The following RIC8B variants were observed in gnomAD, a reference collection of about 807,000 sequenced individuals.
The protein encoded by RIC8B is RIC8 guanine nucleotide exchange factor B.
A neutral mutation model predicts 57.5 loss-of-function variants in RIC8B; 16 were observed. The observed-to-expected ratio is 0.28, with a 90% confidence interval of 0.19 to 0.42. The LOEUF (loss-of-function observed/expected upper bound fraction) is 0.42, where lower values mean the gene tolerates loss of function less well. Ranked by LOEUF, RIC8B falls within the 10% of genes least tolerant of loss-of-function variation. The pLI, the probability that RIC8B is intolerant of heterozygous loss-of-function variation, is 1.00. For synonymous variants in RIC8B, 216 were observed against 250.8 expected (o/e 0.86, Z 1.31); for missense variants, 481 against 677.0 (o/e 0.71, Z 3.21).
At chr12:106,816,071 T>A (rs1190544937) in intron 3 of RIC8B, among the ~76,000 whole-genome samples, 1 of 152,198 alleles carries the variant, frequency 6.6e-6, no homozygotes, top group Non-Finnish European at 1.5e-5. Flanking sequence ...TTAAGTGAAG[T>A]AGACATAAGC....
chr12:106,827,614 T>C (rs201998506), intron 4 of RIC8B, among the ~76,000 whole-genome samples: 1 of 152,238 alleles, frequency 6.6e-6, no homozygotes, highest in East Asian at 1.9e-4. Context: ...AGACTGTTTT[T>C]CTTGATTAAA....
intron 9 of RIC8B, chr12:106,872,940 G>A (rs1254212416): frequency 5.5e-6 from 4 of 731,970 alleles, no homozygotes; most frequent in Non-Finnish European, 5.0e-6. Context: ...CCAGATACTT[G>A]GCTTACTAAT....
At chr12:106,840,192 CT>C (rs1566116821) in intron 4 of RIC8B, among the ~76,000 whole-genome samples, 1 of 152,056 alleles carries the variant, frequency 6.6e-6, no homozygotes, top group Non-Finnish European at 1.5e-5. Context: ...ATATCATGTT[CT>C]TCAGTGTAAT....
rs537812414 is a variant in RIC8B at position 106,835,385 on chromosome 12, C to T, written c.837-7204C>T. ...CAAGTACCATAATCTCTCATTCCTC[C>T]AAATTTTTGCTATTCCCTCTTATAG... On this transcript the variant is annotated intron_variant, in intron 4 of 9. Coordinates refer to ENST00000392837, the MANE Select transcript of RIC8B (RefSeq NM_001330145.2). Among the ~76,000 whole-genome samples the T allele has an allele frequency of 5.3e-5, 8 of 152,258 alleles. 1 individual carries two copies. The highest frequency in any genetic ancestry group is 1.9e-4 in the African/African-American group (8 of 41,544).
Position 106,879,492 on chromosome 12 carries a change from T to TA in RIC8B, c.1572-6411dup. The TA allele has an allele frequency of 1.0e-6, 1 of 985,246 alleles. No homozygotes were observed. Among genetic ancestry groups the TA allele is most frequent in the African/African-American group, 1.7e-5 (1 of 57,286 alleles). 61.0% of individuals were successfully genotyped at this position (985,246 alleles called of 1,614,324 possible). A position where few individuals can be genotyped will look rare whatever the true frequency, so the allele number is the denominator to read the frequency against. ...CAGGCATCCTAGAGTATACCATACT[T>TA]ACAGGCAAACGGTGGCTCAGGAAAA... On this transcript the variant is annotated intron_variant, in intron 9 of 9. Coordinates refer to ENST00000392837, the MANE Select transcript of RIC8B (RefSeq NM_001330145.2). The surrounding 1 kb of genome is among the most constrained non-coding windows in gnomAD (Gnocchi z 4.9).
chr12:106,866,283 TAGTC>T (rs949944498), intron 8 of RIC8B, among the ~76,000 whole-genome samples: 15 of 152,290 alleles, frequency 9.8e-5, no homozygotes, highest in East Asian at 3.9e-4. Context: ...TTTTTTGAGT[TAGTC>T]AGCCCCTCCT....
chr12:106,874,340 C>T (rs1197112132), intron 9 of RIC8B: 3 of 681,976 alleles, frequency 4.4e-6, no homozygotes, highest in African/African-American at 3.5e-5. Flanking sequence ...TGTACCATAG[C>T]TTTGTCTGAT....
chr12:106,874,696 C>T (rs746857667), intron 9 of RIC8B: 19 of 643,942 alleles, frequency 3.0e-5, no homozygotes, highest in South Asian at 5.7e-5. Context: ...TGGACATAGC[C>T]GCTGCCTCAA....
chr12:106,821,321 GAATA>G (rs2045831976), intron 3 of RIC8B, among the ~76,000 whole-genome samples: 1 of 152,206 alleles, frequency 6.6e-6, no homozygotes, highest in Non-Finnish European at 1.5e-5. Context: ...TAATGGAATA[GAATA>G]AATAGAGTTG....
At chr12:106,850,948 G>A (rs572314355) in intron 6 of RIC8B, among the ~76,000 whole-genome samples, 1 of 152,104 alleles carries the variant, frequency 6.6e-6, no homozygotes, top group South Asian at 2.1e-4. Flanking sequence ...TGTATAACAC[G>A]AGATATTTCA....
intron 2 of RIC8B, among the ~76,000 whole-genome samples, chr12:106,810,004 T>C (rs1335272547): frequency 6.6e-6 from 1 of 151,854 alleles, no homozygotes; most frequent in Non-Finnish European, 1.5e-5. Flanking sequence ...CTACTATCAC[T>C]TCTTAGGAAG....
chr12:106,871,651 C>T (rs1296911846), intron 9 of RIC8B: 1 of 152,112 alleles, frequency 6.6e-6, no homozygotes, highest in Non-Finnish European at 1.5e-5. Flanking sequence ...GGCTGAGTCA[C>T]TCTATTTTCT....
intron 4 of RIC8B, among the ~76,000 whole-genome samples, chr12:106,839,831 C>T (rs1260548788): frequency 6.6e-6 from 1 of 152,078 alleles, no homozygotes; most frequent in Admixed American, 6.5e-5. Context: ...GCTTGGGGAG[C>T]ATAGTGAGAC....
At chr12:106,826,089 T>G (rs562633291) in intron 4 of RIC8B, among the ~76,000 whole-genome samples, 1 of 152,352 alleles carries the variant, frequency 6.6e-6, no homozygotes, top group Admixed American at 6.5e-5. Context: ...GTTACTGTTC[T>G]TGGTTTTATC....
At chr12:106,779,888 T>TG (rs1415516743) in intron 1 of RIC8B, among the ~76,000 whole-genome samples, 25 of 84,186 alleles carry the variant, frequency 3.0e-4, no homozygotes, top group Admixed American at 6.2e-4. Flanking sequence ...TTTTTTTTTT[T>TG]TGTGTGTGTG....
At position 106,888,664 on chromosome 12, in the gene RIC8B, A is replaced by C. The variant is rs1429449995; in HGVS notation, c.*2649A>C. The C allele has an allele frequency of 2.0e-5, 3 of 152,664 alleles. No homozygotes were observed. Among genetic ancestry groups the C allele is most frequent in the Non-Finnish European group, 4.4e-5 (3 of 68,066 alleles). The allele number at this position is 152,664 out of a possible 1,614,324, so 9.5% of individuals were successfully genotyped here. A position where few individuals can be genotyped will look rare whatever the true frequency, so the allele number is the denominator to read the frequency against. On this transcript the variant is annotated 3_prime_UTR_variant, in exon 10 of 10. Coordinates refer to ENST00000392837, the MANE Select transcript of RIC8B (RefSeq NM_001330145.2). ...GTTTAAAGAGGTTTTTAAGCAGGGAAGTGACCTGAAGTGGAAGTATGAGTG... is the reference window on the plus strand; with the variant it reads ...GTTTAAAGAGGTTTTTAAGCAGGGACGTGACCTGAAGTGGAAGTATGAGTG...
At chr12:106,810,385 T>C (rs1041722166) in intron 2 of RIC8B, among the ~76,000 whole-genome samples, 1 of 152,100 alleles carries the variant, frequency 6.6e-6, no homozygotes, top group Non-Finnish European at 1.5e-5. Flanking sequence ...CAATACGTTT[T>C]CTTCGTAAAA....
At chr12:106,786,141 ATTTTTTTTTTTTTT>A (rs893618675) in intron 2 of RIC8B, among the ~76,000 whole-genome samples, 1 of 73,886 alleles carries the variant, frequency 1.4e-5, no homozygotes, top group Non-Finnish European at 2.6e-5. Flanking sequence ...CCCAAGGTGT[ATTTTTTTTTTTTTT>A]TTTTTTTTTT....
chr12:106,795,922 T>C (rs1180282886), intron 2 of RIC8B, among the ~76,000 whole-genome samples: 1 of 152,200 alleles, frequency 6.6e-6, no homozygotes, highest in Non-Finnish European at 1.5e-5. Context: ...GTATATATGC[T>C]AAGCCCTAGA....
Sources: allele counts gnomAD v4.1 joint callset (sites outside exome capture counted in the v4.1 genomes callset), GRCh38; gene constraint gnomAD v4.1.1; non-coding constraint Gnocchi (gnomAD v3.1); transcripts MANE v1.5; gene names NCBI Gene and HGNC (gene_info 2026-07-23, HGNC 2026-07-21).